The following RBFOX3 variants were observed in gnomAD, a reference collection of about 807,000 sequenced individuals.
RBFOX3 encodes the protein RNA binding fox-1 homolog 3, also known as RNA binding protein fox-1 homolog 3.
In RBFOX3, 17 loss-of-function variants were observed where a neutral mutation model predicts 48.7. That is an observed-to-expected ratio of 0.35 (90% CI 0.24 to 0.52). RBFOX3 has a LOEUF of 0.52. Among genes scored for constraint, RBFOX3 ranks in the 20% least tolerant of loss-of-function variants. The pLI, the probability that RBFOX3 is intolerant of heterozygous loss-of-function variation, is 0.94. For synonymous variants in RBFOX3, 212 were observed against 209.5 expected (o/e 1.01, Z -0.10); for missense variants, 382 against 497.5 (o/e 0.77, Z 2.21).
rs1447875417 is a variant in RBFOX3, at chr17:79,502,847, A to G, written c.-319-20249T>C. Among the ~76,000 whole-genome samples the G allele has an allele frequency of 2.0e-5, 3 of 152,262 alleles. No homozygotes were observed. The East Asian group carries it at 5.8e-4, about 29-fold the overall frequency. On this transcript the variant is annotated intron_variant, in intron 1 of 14. Transcript: ENST00000693108. ...GTCCACGGGGTTCCAGCAGGCTTGCAAGGAGGGGGACCCTGCCGCCACCAC... is the reference window on the plus strand; with the variant it reads ...GTCCACGGGGTTCCAGCAGGCTTGCGAGGAGGGGGACCCTGCCGCCACCAC...
At chr17:79,162,624 C>T (rs188668050) in intron 4 of RBFOX3, among the ~76,000 whole-genome samples, 97 of 152,300 alleles carry the variant, frequency 6.4e-4, no homozygotes, top group African/African-American at 2.2e-3. Context: ...GTAACAATCG[C>T]GCAGTTAAAT....
At chr17:79,496,965 G>C (rs995187922) in intron 1 of RBFOX3, among the ~76,000 whole-genome samples, 1 of 152,088 alleles carries the variant, frequency 6.6e-6, no homozygotes, top group African/African-American at 2.4e-5. Context: ...TGCCTGCCTC[G>C]GGACCCCTGT....
At chr17:79,486,356 T>G (rs1369170138) in intron 1 of RBFOX3, among the ~76,000 whole-genome samples, 2 of 152,112 alleles carry the variant, frequency 1.3e-5, no homozygotes, top group African/African-American at 4.8e-5. Flanking sequence ...CCGACCTGTA[T>G]TTATTGCCCC....
Position 79,311,503 on chromosome 17 carries a change from C to T in RBFOX3, c.-174-3679G>A, listed in dbSNP as rs1423332781. ...CTGAGGTTCCAGCCTGTCCACCCAT[C>T]CTACAGAGTTCAGATTCGGCAGCCT... On this transcript the variant is annotated intron_variant, in intron 2 of 14. Transcript: ENST00000693108. This position sits in a 1 kb window ranked among gnomAD's most constrained non-coding sequence, Gnocchi z 4.2. Among the ~76,000 whole-genome samples the T allele has an allele frequency of 6.6e-6, 1 of 151,910 alleles. No homozygotes were observed. Among genetic ancestry groups the T allele is most frequent in the South Asian group, 2.1e-4 (1 of 4,816 alleles).
At chr17:79,125,361 T>G (rs535212434) in intron 4 of RBFOX3, among the ~76,000 whole-genome samples, 2 of 152,210 alleles carry the variant, frequency 1.3e-5, no homozygotes, top group African/African-American at 4.8e-5. Flanking sequence ...CAATGACTCA[T>G]CTGCCTGGAG....
intron 1 of RBFOX3, among the ~76,000 whole-genome samples, chr17:79,574,158 G>A (rs2092779974): frequency 6.6e-6 from 1 of 152,172 alleles, no homozygotes; most frequent in East Asian, 1.9e-4. Flanking sequence ...CAACCCTTAG[G>A]ATTAAGGGTC....
chr17:79,378,879 A>G (rs2059548227), intron 2 of RBFOX3, among the ~76,000 whole-genome samples: 1 of 152,324 alleles, frequency 6.6e-6, no homozygotes, highest in African/African-American at 2.4e-5. Flanking sequence ...CAGTGGGTAC[A>G]GGGGTGGGGA....
intron 2 of RBFOX3, among the ~76,000 whole-genome samples, chr17:79,458,916 C>T (rs1555746883): frequency 1.3e-5 from 2 of 152,326 alleles, no homozygotes; most frequent in East Asian, 1.9e-4. Flanking sequence ...TCCCTCCAAG[C>T]AGCATGGCTG....
intron 1 of RBFOX3, among the ~76,000 whole-genome samples, chr17:79,523,017 A>C (rs2086327288): frequency 6.6e-6 from 1 of 151,904 alleles, no homozygotes; most frequent in Admixed American, 6.6e-5. Flanking sequence ...ATGCTGAGTG[A>C]AATCAACCAG....
intron 4 of RBFOX3, among the ~76,000 whole-genome samples, chr17:79,206,115 G>T (rs367674887): frequency 2.0e-5 from 3 of 152,178 alleles, no homozygotes; most frequent in African/African-American, 7.2e-5. Context: ...TAGCAAGAAG[G>T]TCTACAGCTT....
intron 3 of RBFOX3, among the ~76,000 whole-genome samples, chr17:79,275,547 C>T (rs879903071): frequency 2.0e-4 from 30 of 152,302 alleles, no homozygotes; most frequent in Non-Finnish European, 4.0e-4. Context: ...CACTGAAGTC[C>T]TTGAAGGGAA....
At position 79,378,089 on chromosome 17, in the gene RBFOX3, G is replaced by A. The variant is rs571345242; in HGVS notation, c.-174-70265C>T. Among the ~76,000 whole-genome samples the A allele has an allele frequency of 2.6e-3, 399 of 152,264 alleles. 2 individuals are homozygous for A. Among genetic ancestry groups the A allele is most frequent in the Non-Finnish European group, 1.2e-3 (82 of 68,014 alleles). ...GTGAAGGCACAAGTGCCCGGACCCCGTGACTCCCAACACAGCCTCTGAGAG... is the reference window on the plus strand; with the variant it reads ...GTGAAGGCACAAGTGCCCGGACCCCATGACTCCCAACACAGCCTCTGAGAG... On this transcript the variant is annotated intron_variant, in intron 2 of 14. Transcript: ENST00000693108.
intron 1 of RBFOX3, among the ~76,000 whole-genome samples, chr17:79,529,044 A>G (rs1373732239): frequency 5.3e-5 from 8 of 152,218 alleles, no homozygotes; most frequent in African/African-American, 1.9e-4. Flanking sequence ...AGGTGGGGAC[A>G]TGGAAACACA....
intron 4 of RBFOX3, among the ~76,000 whole-genome samples, chr17:79,138,262 A>G (rs565807057): frequency 5.9e-5 from 9 of 152,198 alleles, no homozygotes; most frequent in African/African-American, 2.2e-4. Context: ...GCCTCTACAT[A>G]CCTGTATTCC....
At position 79,512,390 on chromosome 17, in the gene RBFOX3, G is replaced by A. The variant is rs1279020361; in HGVS notation, c.-319-29792C>T. Among the ~76,000 whole-genome samples the A allele has an allele frequency of 1.0e-3, 124 of 118,120 alleles. 2 individuals carry two copies. Among genetic ancestry groups the A allele is most frequent in the East Asian group, 4.4e-3 (16 of 3,630 alleles). The allele number at this position is 118,120 out of a possible 152,430, so 77.5% of individuals were successfully genotyped here. On this transcript the variant is annotated intron_variant, in intron 1 of 14. Transcript: ENST00000693108. ...ACCCACCCGGATACATGTTACCATCGGGTACAGCCCCATAGCCAGGGGACG... is the reference window on the plus strand; with the variant it reads ...ACCCACCCGGATACATGTTACCATCAGGTACAGCCCCATAGCCAGGGGACG...
Position 79,220,665 on chromosome 17 carries a change from A to G in RBFOX3, c.-34+15101T>C, listed in dbSNP as rs1370849574. ...CCTAGCAGATCTCACGGATACCGGA[A>G]TGGGGAGGACACTTTACTGAAGGTT... is the stretch of plus-strand genomic sequence containing the variant. On this transcript the variant is annotated intron_variant, in intron 4 of 14. Coordinates refer to ENST00000693108, the MANE Select transcript of RBFOX3 (RefSeq NM_001350451.2). The surrounding 1 kb of genome is among the most constrained non-coding windows in gnomAD (Gnocchi z 5.9). 6.6e-6 allele frequency among the ~76,000 whole-genome samples: 1 copy of G among 151,968 alleles called. No individual in the cohort carries two copies. The highest frequency in any genetic ancestry group is 1.5e-5 in the Non-Finnish European group (1 of 67,990).
chr17:79,106,549 A>G, intron 6 of RBFOX3, 102 bp downstream of exon 6: 2 of 1,346,212 alleles, frequency 1.5e-6, no homozygotes, highest in Non-Finnish European at 1.9e-6. Flanking sequence ...GAGGCAGGAA[A>G]CCCGGGGGAA....
intron 3 of RBFOX3, among the ~76,000 whole-genome samples, chr17:79,276,550 T>G (rs2068875842): frequency 6.6e-6 from 1 of 151,782 alleles, no homozygotes; most frequent in Non-Finnish European, 1.5e-5. Context: ...CTGGGTCTGG[T>G]GGTGGGCGCC....
chr17:79,592,578 C>T (rs1215185236), intron 1 of RBFOX3, among the ~76,000 whole-genome samples: 9 of 152,038 alleles, frequency 5.9e-5, no homozygotes. Flanking sequence ...ACTGCCTGTC[C>T]CTGGGAAGGC....
Sources: allele counts gnomAD v4.1 joint callset (sites outside exome capture counted in the v4.1 genomes callset), GRCh38; gene constraint gnomAD v4.1.1; non-coding constraint Gnocchi (gnomAD v3.1); transcripts MANE v1.5; gene names NCBI Gene and HGNC (gene_info 2026-07-23, HGNC 2026-07-21).